The following MRPS28 variants were observed in gnomAD, a reference collection of about 807,000 sequenced individuals.
The protein encoded by MRPS28 is small ribosomal subunit protein bS1m.
Under a neutral mutation model 10.8 loss-of-function variants are expected in MRPS28, and 7 were observed. That is an observed-to-expected ratio of 0.65 (90% CI 0.37 to 1.22). MRPS28 has a LOEUF of 1.22. Among genes scored for constraint, MRPS28 ranks in the 50% most tolerant of loss-of-function variants. The pLI is 0.02. For missense variants in MRPS28, 265 were observed against 232.9 expected (o/e 1.14, Z -0.90); for synonymous variants, 121 against 93.3 (o/e 1.30, Z -1.71).
At chr8:79,970,053 T>C (rs936691257) in intron 2 of MRPS28, among the ~76,000 whole-genome samples, 1 of 152,198 alleles carries the variant, frequency 6.6e-6, no homozygotes, top group Non-Finnish European at 1.5e-5. Context: ...ACAGTACTTA[T>C]CATGTGAACA....
At chr8:80,028,664 C>CGGGGGGGGGGGGGGGGGGGGGG (rs1278468176) in intron 1 of MRPS28, 3 of 7,076 alleles carry the variant, frequency 4.2e-4, no homozygotes, top group African/African-American at 9.3e-4. Flanking sequence ...GGGGCGGGGC[C>CGGGGGGGGGGGGGGGGGGGGGG]GGGCGGGGTC....
intron 2 of MRPS28, among the ~76,000 whole-genome samples, chr8:79,978,616 G>C (rs1807863466): frequency 6.6e-6 from 1 of 152,108 alleles, no homozygotes; most frequent in South Asian, 2.1e-4. Context: ...GGATATAAGA[G>C]TAAGCTATGG....
At chr8:79,930,153 A>G (rs902743063) in intron 2 of MRPS28, among the ~76,000 whole-genome samples, 4 of 152,240 alleles carry the variant, frequency 2.6e-5, no homozygotes, top group Non-Finnish European at 5.9e-5. Context: ...CTGAAGCTAA[A>G]GATTATTCTG....
chr8:79,977,051 T>G (rs763598313), intron 2 of MRPS28, among the ~76,000 whole-genome samples: 1 of 152,150 alleles, frequency 6.6e-6, no homozygotes. Flanking sequence ...TTATGATATA[T>G]TCAATGATAT....
chr8:79,971,875 G>A (rs1807644738), intron 2 of MRPS28, among the ~76,000 whole-genome samples: 1 of 152,006 alleles, frequency 6.6e-6, no homozygotes. Flanking sequence ...GCTAATTTTT[G>A]TATTTTTAGT....
intron 2 of MRPS28, among the ~76,000 whole-genome samples, chr8:79,949,351 T>G (rs1586053220): frequency 6.6e-6 from 1 of 151,472 alleles, no homozygotes; most frequent in Non-Finnish European, 1.5e-5. Flanking sequence ...GAGGCAGAGG[T>G]TGCAGTGAGC....
intron 2 of MRPS28, among the ~76,000 whole-genome samples, chr8:79,983,788 C>T (rs1289555411): frequency 6.6e-6 from 1 of 152,196 alleles, no homozygotes; most frequent in Non-Finnish European, 1.5e-5. Flanking sequence ...AAGACCAAAT[C>T]TATGTCTGAT....
rs574069482 is a variant in MRPS28 at position 80,024,450 on chromosome 8, T to C, written c.213+5586A>G. ...TTTAACTAGTAACCCGAGTGTGTAA[T>C]AGGATAAGAACTTCATGATGCATTG... is the stretch of plus-strand genomic sequence containing the variant. On this transcript the variant is annotated intron_variant, in intron 1 of 2. Transcript: ENST00000276585. 3.3e-5 allele frequency among the ~76,000 whole-genome samples: 5 copies of C among 152,216 alleles called. No individual in the cohort carries two copies. In the East Asian group the frequency reaches 7.7e-4, roughly 24 times the overall value.
At chr8:79,999,691 C>T (rs114123353) in intron 2 of MRPS28, among the ~76,000 whole-genome samples, 122 of 152,184 alleles carry the variant, frequency 8.0e-4, no homozygotes, top group African/African-American at 2.8e-3. Flanking sequence ...TCTACATAGC[C>T]GTAAGGGTAT....
chr8:80,008,809 A>C (rs1442479606), intron 1 of MRPS28, among the ~76,000 whole-genome samples: 1 of 152,208 alleles, frequency 6.6e-6, no homozygotes, highest in Non-Finnish European at 1.5e-5. Context: ...AAATAGGAAC[A>C]CTTTTACACT....
At chr8:79,983,035 G>C (rs558301834) in intron 2 of MRPS28, among the ~76,000 whole-genome samples, 505 of 148,268 alleles carry the variant, frequency 3.4e-3, no homozygotes, top group Middle Eastern at 0.021. Flanking sequence ...AGTAGGGGCA[G>C]ACTGACACCT....
At chr8:79,919,274 C>G (rs1369649319) in intron 2 of MRPS28, 126 bp from the exon 3 acceptor site, 3 of 618,938 alleles carry the variant, frequency 4.8e-6, no homozygotes, top group Non-Finnish European at 4.8e-6. Flanking sequence ...ACACTGGTAT[C>G]TTAGAAATAG....
intron 2 of MRPS28, among the ~76,000 whole-genome samples, chr8:79,973,341 T>A (rs964058): frequency 0.011 from 1,653 of 152,090 alleles, 17 homozygotes; most frequent in Non-Finnish European, 0.017. Context: ...CAGGCTGGAG[T>A]GCAGTAGCTA....
intron 2 of MRPS28, among the ~76,000 whole-genome samples, chr8:79,947,934 G>C (rs1806968179): frequency 1.3e-5 from 2 of 150,668 alleles, no homozygotes; most frequent in African/African-American, 4.9e-5. Context: ...ACCGCGCCTG[G>C]CCTATATTAA....
At chr8:79,998,845 C>G (rs1808579897) in intron 2 of MRPS28, among the ~76,000 whole-genome samples, 1 of 152,250 alleles carries the variant, frequency 6.6e-6, no homozygotes, top group East Asian at 1.9e-4. Context: ...ATTCATTAAT[C>G]AAAATATTTT....
At chr8:79,951,064 T>C (rs1807065721) in intron 2 of MRPS28, among the ~76,000 whole-genome samples, 1 of 152,162 alleles carries the variant, frequency 6.6e-6, no homozygotes, top group East Asian at 1.9e-4. Context: ...AAAGAATAAA[T>C]ATGTGACCAG....
rs764117662 is a variant in MRPS28, at chr8:80,030,130, G to A, written c.119C>T (p.Ser40Phe). ...GCGCGTCTTAGGCTCCTTGGCATTG[G>A]AACTACCACTTTCGGATCCACTCTC... ...GTESGSESGS[S>F]NAKEPKTRAG... is the part of the protein sequence containing the mutation. Residue 40 changes from serine (S) to phenylalanine (F), a missense_variant, in exon 1 of 3, where the codon TCC (serine) becomes TTC (phenylalanine). Physicochemically the swap from Ser to Phe is radical, Grantham distance 155. Transcript: ENST00000276585. The A allele has an allele frequency of 6.2e-7, 1 of 1,612,400 alleles. No individual in the cohort carries two copies. The highest frequency in any genetic ancestry group is 2.2e-5 in the East Asian group (1 of 44,882).
chr8:79,932,082 C>G (rs1456601272), intron 2 of MRPS28, among the ~76,000 whole-genome samples: 2 of 152,154 alleles, frequency 1.3e-5, no homozygotes. Flanking sequence ...TTCACTGGTT[C>G]ATTCATTTAC....
chr8:79,986,828 A>T (rs1168894808), intron 2 of MRPS28, among the ~76,000 whole-genome samples: 5 of 152,122 alleles, frequency 3.3e-5, no homozygotes, highest in Admixed American at 2.6e-4. Context: ...AAGAATCAAT[A>T]TCATGAAAAT....
Sources: allele counts gnomAD v4.1 joint callset (sites outside exome capture counted in the v4.1 genomes callset), GRCh38; gene constraint gnomAD v4.1.1; transcripts MANE v1.5; gene names NCBI Gene and HGNC (gene_info 2026-07-23, HGNC 2026-07-21).